Variants in FAM117A observed in about 807,000 individuals in gnomAD.
The protein encoded by FAM117A is protein FAM117A.
A neutral mutation model predicts 44.1 loss-of-function variants in FAM117A; 21 were observed. That is an observed-to-expected ratio of 0.48 (90% CI 0.34 to 0.69). FAM117A has a LOEUF of 0.69. Ranked by LOEUF, FAM117A falls within the 30% of genes least tolerant of loss-of-function variation. The pLI is 0.01. For missense variants in FAM117A, 498 were observed against 589.9 expected, an observed-to-expected ratio of 0.84 and a Z score of 1.61; for synonymous variants, 220 against 238.3, an observed-to-expected ratio of 0.92 and a Z score of 0.71.
At chr17:49,737,787 G>A (rs2073617310) in intron 1 of FAM117A, among the ~76,000 whole-genome samples, 1 of 152,194 alleles carries the variant, frequency 6.6e-6, no homozygotes, top group Admixed American at 6.5e-5. Context: ...GCACAAAGAA[G>A]CTTAGTCTCT....
At chr17:49,723,194 C>T (rs566412732) in intron 2 of FAM117A, among the ~76,000 whole-genome samples, 3 of 152,214 alleles carry the variant, frequency 2.0e-5, no homozygotes, top group Admixed American at 1.3e-4. Context: ...GCCCCCGCTG[C>T]AAATAAGCAG....
chr17:49,728,490 G>T (rs1177620917), intron 2 of FAM117A, among the ~76,000 whole-genome samples: 3 of 151,922 alleles, frequency 2.0e-5, no homozygotes, highest in Non-Finnish European at 4.4e-5. Context: ...CTTACCTGGG[G>T]AATGCAGAGG....
At chr17:49,756,766 A>C (rs1383354499) in intron 1 of FAM117A, among the ~76,000 whole-genome samples, 1 of 152,002 alleles carries the variant, frequency 6.6e-6, no homozygotes, top group African/African-American at 2.4e-5. Context: ...AAATACAGCA[A>C]TTATCTGGGC....
intron 2 of FAM117A, among the ~76,000 whole-genome samples, chr17:49,725,601 C>A (rs983487359): frequency 1.3e-5 from 2 of 152,138 alleles, no homozygotes; most frequent in African/African-American, 4.8e-5. Flanking sequence ...TAAGAGTAAT[C>A]CAGACAGAGG....
intron 1 of FAM117A, among the ~76,000 whole-genome samples, chr17:49,753,778 T>G (rs1019964849): frequency 6.6e-6 from 1 of 152,158 alleles, no homozygotes; most frequent in Non-Finnish European, 1.5e-5. Context: ...AGTGAGACTC[T>G]GTCTCAAAAA....
At chr17:49,746,769 G>A (rs138341090) in intron 1 of FAM117A, among the ~76,000 whole-genome samples, 92 of 152,298 alleles carry the variant, frequency 6.0e-4, no homozygotes, top group African/African-American at 2.0e-3. Flanking sequence ...ACAGCTAAAC[G>A]GAGGGTAGCT....
At position 49,732,705 on chromosome 17, in the gene FAM117A, G is replaced by A. The variant is rs1339364636; in HGVS notation, c.212C>T (p.Ser71Leu). Residue 71 changes from serine to leucine, a missense_variant, in exon 2 of 8, where the codon TCG becomes TTG. Around this residue, in one of 3 missense-constraint regions of FAM117A, gnomAD observed 270 missense variants for 277.4 expected, o/e 0.97. Coordinates refer to ENST00000240364, the MANE Select transcript of FAM117A (RefSeq NM_030802.4). ...ACACACTGACTTTTCTGGGGCCACC[G>A]AGCATGGGACGCTGGCTGCAAGAGA... ...GGGRAASVPC[S>L]VAPEKSVCRP... The A allele has an allele frequency of 1.2e-5, 19 of 1,613,470 alleles. No individual in the cohort carries two copies. Among genetic ancestry groups the A allele is most frequent in the Non-Finnish European group, 1.5e-5 (18 of 1,179,708 alleles).
At chr17:49,766,545 T>C (rs2073746363), upstream of FAM117A, among the ~76,000 whole-genome samples, 2 of 152,234 alleles carry the variant, frequency 1.3e-5, no homozygotes, top group Admixed American at 1.3e-4. Flanking sequence ...AACACTCAAC[T>C]TCTAGATCAT....
intron 1 of FAM117A, among the ~76,000 whole-genome samples, chr17:49,751,036 T>C (rs777458566): frequency 3.9e-5 from 6 of 152,046 alleles, no homozygotes; most frequent in African/African-American, 9.7e-5. Context: ...TCCCAGCACT[T>C]TGGGGGGCCG....
At chr17:49,729,995 G>A (rs1167037874) in intron 2 of FAM117A, among the ~76,000 whole-genome samples, 1 of 152,152 alleles carries the variant, frequency 6.6e-6, no homozygotes, top group South Asian at 2.1e-4. Context: ...GAATATGTCA[G>A]GTGAGCCTCA....
intron 1 of FAM117A, among the ~76,000 whole-genome samples, chr17:49,772,270 C>T (rs2073763234): frequency 6.6e-6 from 1 of 150,718 alleles, no homozygotes; most frequent in African/African-American, 2.4e-5. Context: ...CTAGCCTGGG[C>T]AACTGAGGGA....
At chr17:49,761,528 T>G (rs1318929312) in intron 1 of FAM117A, among the ~76,000 whole-genome samples, 1 of 152,246 alleles carries the variant, frequency 6.6e-6, no homozygotes, top group Non-Finnish European at 1.5e-5. Flanking sequence ...TATCCACAGA[T>G]GAGGAAACTA....
intron 1 of FAM117A, among the ~76,000 whole-genome samples, chr17:49,780,160 T>C (rs960880062): frequency 1.3e-5 from 2 of 152,152 alleles, no homozygotes; most frequent in African/African-American, 4.8e-5. Flanking sequence ...ACAAGGGAGA[T>C]TGGGCAAACA....
intron 1 of FAM117A, among the ~76,000 whole-genome samples, chr17:49,752,866 CTTT>C (rs755862898): frequency 1.4e-5 from 2 of 142,040 alleles, no homozygotes; most frequent in Non-Finnish European, 1.6e-5. Flanking sequence ...GTTTCCAATT[CTTT>C]TTTTTTTTTT....
intron 1 of FAM117A, among the ~76,000 whole-genome samples, chr17:49,782,219 C>CA (rs1405793767): frequency 2.7e-5 from 4 of 149,034 alleles, no homozygotes; most frequent in East Asian, 2.0e-4. Context: ...ACTAAAAATA[C>CA]AAAAAAAAAT....
At chr17:49,747,788 G>A (rs143348214) in intron 1 of FAM117A, among the ~76,000 whole-genome samples, 38 of 152,286 alleles carry the variant, frequency 2.5e-4, no homozygotes, top group African/African-American at 7.7e-4. Flanking sequence ...TTCCCATGCT[G>A]AGCTCTAGCT....
At chr17:49,732,958 G>T in intron 1 of FAM117A, 1 of 517,442 alleles carries the variant, frequency 1.9e-6, no homozygotes, top group African/African-American at 1.9e-5. Context: ...TTTGGACTTG[G>T]ATGTTACTTT....
chr17:49,764,139 C>T (rs1055174341), upstream of FAM117A: 21 of 975,458 alleles, frequency 2.2e-5, no homozygotes, highest in African/African-American at 3.2e-4. Context: ...CACAGCCCCC[C>T]AACCCCCGAG....
chr17:49,728,169 G>A (rs1266906565), intron 2 of FAM117A, among the ~76,000 whole-genome samples: 1 of 152,190 alleles, frequency 6.6e-6, no homozygotes, highest in East Asian at 1.9e-4. Context: ...GGTCCTGATC[G>A]CCAATCTGGA....
Sources: allele counts gnomAD v4.1 joint callset (sites outside exome capture counted in the v4.1 genomes callset), GRCh38; gene constraint gnomAD v4.1.1; regional missense constraint gnomAD v4.1.1; transcripts MANE v1.5; gene names NCBI Gene and HGNC (gene_info 2026-07-23, HGNC 2026-07-21).